The following VAC14 variants were observed in gnomAD, a reference collection of about 807,000 sequenced individuals.
VAC14 encodes protein VAC14 homolog.
VAC14 carries 47 observed loss-of-function variants against 85.3 expected under a neutral mutation model. That is an observed-to-expected ratio of 0.55 (90% CI 0.44 to 0.70). The LOEUF is 0.70. Among genes scored for constraint, VAC14 ranks in the 30% least tolerant of loss-of-function variants. The probability of loss-of-function intolerance (pLI) is 0.00; values close to 1 mark genes in which losing one functional copy is unlikely to be tolerated. For synonymous variants in VAC14, 447 were observed against 430.5 expected (o/e 1.04, Z -0.47); for missense variants, 861 against 1,004.3 (o/e 0.86, Z 1.93).
intron 10 of VAC14, among the ~76,000 whole-genome samples, chr16:70,766,145 C>T (rs867296349): frequency 6.8e-6 from 1 of 146,720 alleles, no homozygotes; most frequent in African/African-American, 2.6e-5. Flanking sequence ...GAGCAAGACC[C>T]TGTCCCAAAA....
rs200755410 is a variant in VAC14 at position 70,744,408 on chromosome 16, C to T, written c.1528+15G>A. The stretch of plus-strand genomic sequence containing the variant: ...CTAAGGCCCCTGAGGCTAGAACCTT[C>T]AGGAGAAGACTTACCAGAGGTGTTC... On this transcript the variant is annotated intron_variant, in intron 13 of 18. Coordinates refer to ENST00000261776, the MANE Select transcript of VAC14 (RefSeq NM_018052.5). 15 of 1,613,892 alleles carry T rather than the reference C, an allele frequency of 9.3e-6. No individual in the cohort carries two copies. In the East Asian group the frequency reaches 3.3e-4, roughly 36 times the overall value.
At chr16:70,766,303 C>T in intron 10 of VAC14, 1 of 359,864 alleles carries the variant, frequency 2.8e-6, no homozygotes, top group Non-Finnish European at 5.6e-6. Context: ...TCACAGTGGC[C>T]CTAAGATGCT....
Position 70,687,874 on chromosome 16 carries a change from G to A in VAC14, c.*54C>T, listed in dbSNP as rs929211239. ...CTTGAGCTCCTCGGGAGGGCGTGAC[G>A]ACCCTTAGTGTTTCATGGGACCACT... is the stretch of plus-strand genomic sequence containing the variant. On this transcript the variant is annotated 3_prime_UTR_variant, in exon 19 of 19. Coordinates refer to ENST00000261776, the MANE Select transcript of VAC14 (RefSeq NM_018052.5). The A allele has an allele frequency of 5.7e-5, 80 of 1,407,288 alleles. No homozygotes were observed. The African/African-American group carries it at 8.6e-4, about 15-fold the overall frequency. The allele number at this position is 1,407,288 out of a possible 1,614,324, so 87.2% of individuals were successfully genotyped here. A position where few individuals can be genotyped will look rare whatever the true frequency, so the allele number is the denominator to read the frequency against.
intron 18 of VAC14, chr16:70,691,464 CTCTCTCGGAG>C: frequency 1.2e-6 from 1 of 842,816 alleles, no homozygotes; most frequent in South Asian, 5.2e-5. Flanking sequence ...GCTTCTAGGC[CTCTCTCGGAG>C]TCTCTCGGGA....
At chr16:70,760,575 C>T (rs1397633172) in intron 12 of VAC14, among the ~76,000 whole-genome samples, 4 of 142,094 alleles carry the variant, frequency 2.8e-5, no homozygotes, top group Admixed American at 1.4e-4. Flanking sequence ...AGAGCAGTTT[C>T]CACACCCTCC....
At chr16:70,744,640 C>A (rs2030693896) in intron 12 of VAC14, 61 bp from the exon 13 acceptor site, 4 of 1,509,078 alleles carry the variant, frequency 2.7e-6, no homozygotes, top group Middle Eastern at 2.3e-4. Context: ...CTGACCTGGG[C>A]AGAGGTGCGG....
intron 12 of VAC14, among the ~76,000 whole-genome samples, chr16:70,761,937 G>C (rs16970520): frequency 6.6e-6 from 1 of 152,258 alleles, no homozygotes; most frequent in African/African-American, 2.4e-5. Context: ...TCATTGAACA[G>C]AGGAAAACTG....
chr16:70,708,885 C>T (rs548228003), intron 14 of VAC14, among the ~76,000 whole-genome samples: 5 of 152,320 alleles, frequency 3.3e-5, no homozygotes, highest in East Asian at 1.9e-4. Flanking sequence ...AGCCTTGGCA[C>T]GGCCGCAGGG....
At position 70,694,440 on chromosome 16, in the gene VAC14, C is replaced by T. The variant is rs139116827; in HGVS notation, c.2035+1104G>A. Among the ~76,000 whole-genome samples the T allele has an allele frequency of 3.5e-3, 533 of 152,330 alleles. 4 individuals are homozygous for T. The highest frequency in any genetic ancestry group is 5.9e-3 in the Non-Finnish European group (399 of 68,024). On this transcript the variant is annotated intron_variant, in intron 17 of 18. Transcript: ENST00000261776. ...AGAGCAGGGTCTCCCCCCTGCTCTT[C>T]TGTCTCCAGGGCATCAGTTCCTACG...
rs2242127 is a variant in VAC14 at position 70,698,589 on chromosome 16, C to G, written c.1836+48G>C. The G allele has an allele frequency of 3.7e-6, 6 of 1,607,528 alleles. No homozygotes were observed. In the African/African-American group the frequency reaches 8.0e-5, roughly 21 times the overall value. Reference sequence around the variant, plus strand: ...GGGCGGGCTCACACAGGGTGTGCCCCCTGGCATGCAGGAGACGCCTGAGGA... The same window carrying G: ...GGGCGGGCTCACACAGGGTGTGCCCGCTGGCATGCAGGAGACGCCTGAGGA... On this transcript the variant is annotated intron_variant, in intron 15 of 18. Coordinates refer to ENST00000261776, the MANE Select transcript of VAC14 (RefSeq NM_018052.5).
chr16:70,734,640 TC>T (rs1366312894), intron 13 of VAC14, among the ~76,000 whole-genome samples: 2 of 152,256 alleles, frequency 1.3e-5, no homozygotes, highest in South Asian at 4.1e-4. Flanking sequence ...AGGGTCTAAA[TC>T]CTTTTGCATA....
At chr16:70,786,417 C>G (rs1301989528) in intron 1 of VAC14, 52 bp from the exon 2 acceptor site, 1 of 1,591,888 alleles carries the variant, frequency 6.3e-7, no homozygotes, top group South Asian at 1.1e-5. Context: ...TCTGCTGTGG[C>G]CTCCAGGGCC....
At chr16:70,720,585 T>C (rs2054265458) in intron 14 of VAC14, among the ~76,000 whole-genome samples, 1 of 152,140 alleles carries the variant, frequency 6.6e-6, no homozygotes, top group African/African-American at 2.4e-5. Context: ...GTTGTCAAGT[T>C]TGGATGACTG....
intron 12 of VAC14, among the ~76,000 whole-genome samples, chr16:70,761,571 T>C (rs955482847): frequency 1.3e-5 from 2 of 152,194 alleles, no homozygotes; most frequent in African/African-American, 4.8e-5. Context: ...GCAATGGGCA[T>C]GGCTGAGAAT....
chr16:70,778,233 C>G (rs552885160), intron 9 of VAC14, among the ~76,000 whole-genome samples: 1 of 152,122 alleles, frequency 6.6e-6, no homozygotes, highest in African/African-American at 2.4e-5. Context: ...GAATCAAACC[C>G]GGGCCTCCCG....
Position 70,800,942 on chromosome 16 carries a change from TGCCGGGGCCGC to T in VAC14, c.-53_-43del. 1 of 1,477,758 alleles carries T rather than the reference TGCCGGGGCCGC, an allele frequency of 6.8e-7. No homozygotes were observed. Among genetic ancestry groups the T allele is most frequent in the Non-Finnish European group, 9.1e-7 (1 of 1,099,840 alleles). The allele number at this position is 1,477,758 out of a possible 1,614,324, so 91.5% of individuals were successfully genotyped here. ...ACCTCGCGACTCCTTAGCCCGCGGC[TGCCGGGGCCGC>T]GCCGGGGCCAGGGGAGTCTGCGGCT... On this transcript the variant is annotated 5_prime_UTR_variant, in exon 1 of 19. It removes the in-frame stop codon of an upstream open reading frame in the 5' UTR. Coordinates refer to ENST00000261776, the MANE Select transcript of VAC14 (RefSeq NM_018052.5).
At chr16:70,774,304 A>G (rs1256038310) in intron 9 of VAC14, among the ~76,000 whole-genome samples, 4 of 152,094 alleles carry the variant, frequency 2.6e-5, no homozygotes, top group African/African-American at 9.7e-5. Flanking sequence ...ACTCTGCAGA[A>G]TGTCTCCCCG....
chr16:70,720,863 C>G (rs1340965168), intron 14 of VAC14, among the ~76,000 whole-genome samples: 4 of 152,170 alleles, frequency 2.6e-5, no homozygotes, highest in Non-Finnish European at 5.9e-5. Context: ...TAAAGAGACA[C>G]AAAACTTAGC....
intron 17 of VAC14, among the ~76,000 whole-genome samples, chr16:70,693,313 C>T (rs919155850): frequency 1.3e-5 from 2 of 152,222 alleles, no homozygotes; most frequent in East Asian, 1.9e-4. Flanking sequence ...GTCTGTTTCC[C>T]GCCCCCCGCT....
Sources: gnomAD v4.1 joint callset for allele counts (sites outside exome capture counted in the v4.1 genomes callset) on GRCh38, gnomAD v4.1.1 for gene constraint, MANE v1.5 for transcripts, NCBI Gene and HGNC (gene_info 2026-07-23, HGNC 2026-07-21) for gene names.